GALNT13: variants seen among roughly 807,000 people sequenced by gnomAD.
GALNT13 encodes the protein polypeptide N-acetylgalactosaminyltransferase 13, also known as UDP-GalNAc:polypeptide N-acetylgalactosaminyltransferase 13.
In GALNT13, 28 loss-of-function variants were observed where a neutral mutation model predicts 64.2. That is an observed-to-expected ratio of 0.44 (90% confidence interval 0.32 to 0.60). The LOEUF (loss-of-function observed/expected upper bound fraction) is 0.60. Among genes scored for constraint, GALNT13 ranks in the 20% least tolerant of loss-of-function variants. The pLI is 0.05. For synonymous variants in GALNT13, 214 were observed against 224.6 expected, an observed-to-expected ratio of 0.95 and a Z score of 0.42; for missense variants, 577 against 669.8, an observed-to-expected ratio of 0.86 and a Z score of 1.53.
intron 4 of GALNT13, among the ~76,000 whole-genome samples, chr2:154,176,168 A>G (rs1685635464): frequency 6.6e-6 from 1 of 151,976 alleles, no homozygotes; most frequent in Non-Finnish European, 1.5e-5. Flanking sequence ...GTTCTTTGTT[A>G]TAAGAATCTG....
chr2:154,268,345 T>C (rs926118902), intron 8 of GALNT13, among the ~76,000 whole-genome samples: 2 of 152,208 alleles, frequency 1.3e-5, no homozygotes, highest in African/African-American at 2.4e-5. Context: ...TTCATTTGTA[T>C]AAAATTTTAG....
chr2:153,564,445 C>T, the GALNT13 span, among the ~76,000 whole-genome samples: 1 of 151,962 alleles, frequency 6.6e-6, no homozygotes, highest in East Asian at 1.9e-4. Context: ...ATTTATAACC[C>T]ATATAGTAAT....
chr2:153,138,468 C>T, the GALNT13 span, among the ~76,000 whole-genome samples: 1 of 152,036 alleles, frequency 6.6e-6, no homozygotes, highest in Non-Finnish European at 1.5e-5. Context: ...ACCAAGTTTT[C>T]CATTGTCTTT....
At chr2:153,433,659 G>A in the GALNT13 span, among the ~76,000 whole-genome samples, 18 of 151,946 alleles carry the variant, frequency 1.2e-4, no homozygotes, top group Admixed American at 4.6e-4. Context: ...AGAGTTTAGC[G>A]GAGCAGGAAT....
the GALNT13 span, among the ~76,000 whole-genome samples, chr2:153,614,764 G>A: frequency 6.6e-6 from 1 of 151,986 alleles, no homozygotes; most frequent in East Asian, 1.9e-4. Flanking sequence ...TGGGTACATA[G>A]TAGATATATA....
At chr2:153,936,641 G>C (rs1211741027) in intron 2 of GALNT13, among the ~76,000 whole-genome samples, 1 of 152,140 alleles carries the variant, frequency 6.6e-6, no homozygotes, top group Non-Finnish European at 1.5e-5. Flanking sequence ...TTCAGGCCAA[G>C]GATAGGATTT....
At chr2:154,285,636 G>A (rs1347810513) in intron 8 of GALNT13, among the ~76,000 whole-genome samples, 1 of 151,982 alleles carries the variant, frequency 6.6e-6, no homozygotes, top group Non-Finnish European at 1.5e-5. Context: ...AGTGTATTTT[G>A]AAATCAGGAA....
chr2:153,477,982 G>A, the GALNT13 span: 1 of 526,024 alleles, frequency 1.9e-6, no homozygotes. Context: ...AGCTTCCAAA[G>A]TTCTGCGCCC....
the GALNT13 span, among the ~76,000 whole-genome samples, chr2:153,334,232 A>G: frequency 3.9e-5 from 6 of 152,340 alleles, no homozygotes; most frequent in South Asian, 1.2e-3. Flanking sequence ...GAAAAATACA[A>G]TGGGCAATAT....
chr2:153,544,333 C>T, the GALNT13 span, among the ~76,000 whole-genome samples: 1 of 152,148 alleles, frequency 6.6e-6, no homozygotes, highest in Non-Finnish European at 1.5e-5. Context: ...TAACTTTCTT[C>T]CGTTGCTTCT....
the GALNT13 span, among the ~76,000 whole-genome samples, chr2:153,178,888 C>A: frequency 1.3e-5 from 2 of 151,346 alleles, no homozygotes; most frequent in Non-Finnish European, 2.9e-5. Context: ...GCGTGCACAA[C>A]CACAACTATC....
At chr2:153,825,530 GGTCTCTGGCCACTTAA>G in the GALNT13 span, among the ~76,000 whole-genome samples, 2 of 151,336 alleles carry the variant, frequency 1.3e-5, no homozygotes, top group African/African-American at 4.9e-5. Flanking sequence ...TCTCATCCTT[GGTCTCTGGCCACTTAA>G]GTTTTTTAGG....
the GALNT13 span, among the ~76,000 whole-genome samples, chr2:153,215,283 G>C: frequency 1.3e-5 from 2 of 152,044 alleles, no homozygotes; most frequent in Non-Finnish European, 2.9e-5. Context: ...TCATCCGCCA[G>C]AGATTTTTTA....
the GALNT13 span, among the ~76,000 whole-genome samples, chr2:153,100,468 A>G: frequency 6.6e-6 from 1 of 152,140 alleles, no homozygotes; most frequent in Non-Finnish European, 1.5e-5. Context: ...CTATTTGGGG[A>G]CTTGTAAACA....
intron 1 of GALNT13, among the ~76,000 whole-genome samples, chr2:153,874,696 C>T (rs548045952): frequency 1.3e-5 from 2 of 152,204 alleles, no homozygotes; most frequent in Admixed American, 6.5e-5. Flanking sequence ...TCCACCTCCC[C>T]GCTCCTTTTT....
chr2:153,190,002 T>A, the GALNT13 span, among the ~76,000 whole-genome samples: 1 of 152,098 alleles, frequency 6.6e-6, no homozygotes, highest in African/African-American at 2.4e-5. Flanking sequence ...AGTCTCTTTT[T>A]GAATGAATAT....
chr2:154,255,013 A>G (rs192657148), intron 7 of GALNT13, among the ~76,000 whole-genome samples: 162 of 152,318 alleles, frequency 1.1e-3, no homozygotes, highest in Non-Finnish European at 1.3e-3. Flanking sequence ...CCCACGTGAT[A>G]GATATGAAAC....
chr2:154,325,546 A>G (rs1206600246), intron 9 of GALNT13, among the ~76,000 whole-genome samples: 5 of 152,056 alleles, frequency 3.3e-5, no homozygotes, highest in African/African-American at 9.6e-5. Context: ...ACTTATATTA[A>G]TCATGTGTCC....
At chr2:154,046,387 T>C (rs1484654694) in intron 3 of GALNT13, among the ~76,000 whole-genome samples, 1 of 152,198 alleles carries the variant, frequency 6.6e-6, no homozygotes, top group Non-Finnish European at 1.5e-5. Flanking sequence ...AAGTTGGGTC[T>C]GGTGGGCCGT....
Sources: allele counts gnomAD v4.1 joint callset (sites outside exome capture counted in the v4.1 genomes callset), GRCh38; gene constraint gnomAD v4.1.1; transcripts MANE v1.5; gene names NCBI Gene and HGNC (gene_info 2026-07-23, HGNC 2026-07-21).